DLG4: variants seen among roughly 807,000 people sequenced by gnomAD.
The protein encoded by DLG4 is disks large homolog 4.
In DLG4, 7 loss-of-function variants were observed where a neutral mutation model predicts 93.8. The observed-to-expected ratio is 0.07, with a 90% CI of 0.04 to 0.14. DLG4 has a LOEUF of 0.14. Among genes scored for constraint, DLG4 ranks in the 10% least tolerant of loss-of-function variants. The pLI, the probability that DLG4 is intolerant of heterozygous loss-of-function variation, is 1.00. For synonymous variants in DLG4, 341 were observed against 387.6 expected, an observed-to-expected ratio of 0.88 and a Z score of 1.41; for missense variants, 545 against 992.9, an observed-to-expected ratio of 0.55 and a Z score of 6.06.
chr17:7,213,711 C>A, intron 1 of DLG4: 1 of 466,630 alleles, frequency 2.1e-6, no homozygotes, highest in East Asian at 7.0e-5. Context: ...CCTTCCAGCT[C>A]TTAAAACCCA....
chr17:7,216,296 C>T (rs570225090), intron 1 of DLG4, among the ~76,000 whole-genome samples: 1 of 152,226 alleles, frequency 6.6e-6, no homozygotes, highest in African/African-American at 2.4e-5. Flanking sequence ...ATATTGGGCA[C>T]CTGCCTTTGG....
At chr17:7,219,574 T>C (rs2071085361), upstream of DLG4, 1 of 1,122,584 alleles carries the variant, frequency 8.9e-7, no homozygotes, top group African/African-American at 1.6e-5. Context: ...TCCATGTCTC[T>C]GCCTCTGCCA....
At chr17:7,209,572 G>A (rs1335850330) in intron 1 of DLG4, among the ~76,000 whole-genome samples, 1 of 152,118 alleles carries the variant, frequency 6.6e-6, no homozygotes, top group Non-Finnish European at 1.5e-5. Context: ...TGGAGTTGGA[G>A]ACCAGCCTGG....
upstream of DLG4, chr17:7,217,933 G>A: frequency 9.6e-7 from 1 of 1,039,616 alleles, no homozygotes. Context: ...GGGTGTGAGG[G>A]AGGAGCTGAA....
upstream of DLG4, chr17:7,219,146 G>A (rs1202244695): frequency 2.0e-6 from 1 of 487,902 alleles, no homozygotes; most frequent in Non-Finnish European, 3.6e-6. Context: ...TCTCCTCCTG[G>A]GCCTCCTCTC....
intron 8 of DLG4, 120 bp downstream of exon 8, chr17:7,202,783 G>A (rs747995697): frequency 2.4e-6 from 3 of 1,246,860 alleles, no homozygotes; most frequent in East Asian, 2.4e-5. Context: ...AGGATCAGAG[G>A]TTGTGGCTAT....
At chr17:7,199,413 C>T (rs1160022319) in intron 8 of DLG4, among the ~76,000 whole-genome samples, 4 of 151,956 alleles carry the variant, frequency 2.6e-5, no homozygotes, top group Non-Finnish European at 5.9e-5. Flanking sequence ...GTTGGGCGGG[C>T]TGGTCTCGAA....
intron 1 of DLG4, among the ~76,000 whole-genome samples, chr17:7,209,779 G>A (rs946571749): frequency 6.6e-6 from 1 of 152,098 alleles, no homozygotes; most frequent in East Asian, 1.9e-4. Flanking sequence ...CAAAAAGAGA[G>A]AGAGGCCAGG....
intron 8 of DLG4, among the ~76,000 whole-genome samples, chr17:7,201,839 C>T (rs757943235): frequency 6.6e-6 from 1 of 152,150 alleles, no homozygotes; most frequent in Non-Finnish European, 1.5e-5. Context: ...TGAGATCACA[C>T]CACTGCACTC....
rs773645233 is a variant in DLG4 at position 7,203,194 on chromosome 17, G to A, written c.641C>T (p.Ala214Val). The change falls in exon 7 of 20, where the codon GCG (alanine) becomes GTG (valine). Residue 214 changes from alanine (A) to valine (V), a missense_variant and splice_region_variant. Around this residue, in one of 5 missense-constraint regions of DLG4, gnomAD observed 428 missense variants for 741.4 expected, o/e 0.58. Transcript: ENST00000399506. The surrounding 1 kb of genome is among the most constrained non-coding windows in gnomAD (Gnocchi z 7.2). ...GRLQIGDKILAVNSVGLEDVM... is the reference protein window; with the variant it reads ...GRLQIGDKILVVNSVGLEDVM... The stretch of plus-strand genomic sequence containing the variant: ...AAATGGGCTAGATGGAGTCCTCACC[G>A]CCAGGATCTTGTCTCCAATCTGCAA... 3 of 1,595,966 alleles carry A rather than the reference G, an allele frequency of 1.9e-6. No individual in the cohort carries two copies. The highest frequency in any genetic ancestry group is 1.7e-6 in the Non-Finnish European group (2 of 1,166,820).
rs552329260 is a variant in DLG4, at chr17:7,193,289, G to A, written c.1694-172C>T. On this transcript the variant is annotated intron_variant, in intron 16 of 19. Transcript: ENST00000399506. The surrounding 1 kb of genome is among the most constrained non-coding windows in gnomAD (Gnocchi z 6.7). ...AACCGCTTCCCCTAGCACCCTCCAGGGCCTCCAAGTCTCTGGCCTGGGCAT... is the reference window on the plus strand; with the variant it reads ...AACCGCTTCCCCTAGCACCCTCCAGAGCCTCCAAGTCTCTGGCCTGGGCAT... 1.3e-5 allele frequency among the ~76,000 whole-genome samples: 2 copies of A among 152,230 alleles called. No homozygotes were observed. The highest frequency in any genetic ancestry group is 3.9e-4 in the East Asian group (2 of 5,170).
Position 7,203,575 on chromosome 17 carries a change from C to A in DLG4, c.354G>T (p.Leu118=). 1 of 1,612,684 alleles carries A rather than the reference C, an allele frequency of 6.2e-7. No individual in the cohort carries two copies. Among genetic ancestry groups the A allele is most frequent in the Middle Eastern group, 1.7e-4 (1 of 6,058 alleles). ...CGCGCACGTCCACTTCATTTACAAA[C>A]AGGATGCTGTCGTTGACCCTGGGAG... The part of the protein sequence containing the change: ...DGRLRVNDSI[L]FVNEVDVREV... Residue 118 remains leucine, a synonymous_variant, in exon 6 of 20, where the codon CTG becomes CTT. Transcript: ENST00000399506. This position sits in a 1 kb window ranked among gnomAD's most constrained non-coding sequence, Gnocchi z 7.2.
At chr17:7,198,825 G>A (rs2069955319) in intron 8 of DLG4, among the ~76,000 whole-genome samples, 1 of 148,536 alleles carries the variant, frequency 6.7e-6, no homozygotes, top group Non-Finnish European at 1.5e-5. Context: ...TCCAGCCTGG[G>A]TGACAGAGTG....
At position 7,203,446 on chromosome 17, in the gene DLG4, G is replaced by A; in HGVS notation, c.483C>T (p.Ile161=). Residue 161 remains isoleucine, a synonymous_variant, in exon 6 of 20, where the codon ATC becomes ATT. Transcript: ENST00000399506. This position sits in a 1 kb window ranked among gnomAD's most constrained non-coding sequence, Gnocchi z 7.2. ...RKPPAEKVME[I]KLIKGPKGLG... ...TACCTTTAGGCCCCTTGATGAGCTTGATCTCCATGACCTTCTCAGCCGGGG... is the reference window on the plus strand; with the variant it reads ...TACCTTTAGGCCCCTTGATGAGCTTAATCTCCATGACCTTCTCAGCCGGGG... The A allele has an allele frequency of 6.2e-7, 1 of 1,609,592 alleles. No homozygotes were observed. The highest frequency in any genetic ancestry group is 8.5e-7 in the Non-Finnish European group (1 of 1,176,262).
At chr17:7,211,401 C>G (rs1325847634) in intron 1 of DLG4, among the ~76,000 whole-genome samples, 1 of 151,068 alleles carries the variant, frequency 6.6e-6, no homozygotes, top group African/African-American at 2.4e-5. Context: ...GTTGTTCCTT[C>G]CCCTTTGGCC....
chr17:7,215,458 A>G (rs1201500896), intron 1 of DLG4, among the ~76,000 whole-genome samples: 2 of 152,124 alleles, frequency 1.3e-5, no homozygotes, highest in African/African-American at 4.8e-5. Flanking sequence ...CGGGCTTTCT[A>G]TTTACACCTG....
Position 7,191,963 on chromosome 17 carries a change from G to A in DLG4, c.1906C>T (p.Arg636Trp). The stretch of plus-strand genomic sequence containing the variant: ...TGCAGGTGGGCCGCCTGCAGCCGCC[G>A]CACGGCATTGGCCGAGACATCGAGG... ...CILDVSANAV[R>W]RLQAAHLHPI... The change falls in exon 18 of 20, where the codon CGG becomes TGG. Residue 636 changes from arginine to tryptophan, a missense_variant. By Grantham distance (101) the Arg-to-Trp change is moderately radical. Transcript: ENST00000399506. The surrounding 1 kb of genome is among the most constrained non-coding windows in gnomAD (Gnocchi z 6.6). The A allele has an allele frequency of 4.7e-6, 7 of 1,481,084 alleles. No homozygotes were observed. The highest frequency in any genetic ancestry group is 2.5e-5 in the East Asian group (1 of 39,226). 91.7% of individuals were successfully genotyped at this position (1,481,084 alleles called of 1,614,324 possible).
At chr17:7,200,451 C>T (rs1377304102) in intron 8 of DLG4, among the ~76,000 whole-genome samples, 1 of 151,762 alleles carries the variant, frequency 6.6e-6, no homozygotes, top group Non-Finnish European at 1.5e-5. Flanking sequence ...GAAATTTTTT[C>T]TATGGCAAAA....
In DLG4 at chr17:7,203,675, CT is replaced by C. The variant is rs2070287243; in HGVS notation, c.335+16del. ...CTCCAGGGACCAAGCAACCTAACCC[CT>C]GTCTCCTCTCCCCACCTGAGGCGGC... On this transcript the variant is annotated intron_variant, in intron 5 of 19. Coordinates refer to ENST00000399506, the MANE Select transcript of DLG4 (RefSeq NM_001321075.3). The surrounding 1 kb of genome is among the most constrained non-coding windows in gnomAD (Gnocchi z 7.2). The C allele has an allele frequency of 6.2e-7, 1 of 1,613,802 alleles. No individual in the cohort carries two copies. Among genetic ancestry groups the C allele is most frequent in the Non-Finnish European group, 8.5e-7 (1 of 1,179,772 alleles).
Sources: allele counts gnomAD v4.1 joint callset (sites outside exome capture counted in the v4.1 genomes callset), GRCh38; gene constraint gnomAD v4.1.1; regional missense constraint gnomAD v4.1.1; non-coding constraint Gnocchi (gnomAD v3.1); transcripts MANE v1.5; gene names NCBI Gene and HGNC (gene_info 2026-07-23, HGNC 2026-07-21).